The following KCNAB1 variants were observed in gnomAD, a reference collection of about 807,000 sequenced individuals.
The protein encoded by KCNAB1 is voltage-gated potassium channel subunit beta-1.
A neutral mutation model predicts 64.6 loss-of-function variants in KCNAB1; 35 were observed. That is an observed-to-expected ratio of 0.54 (90% confidence interval 0.41 to 0.72). KCNAB1 has a LOEUF of 0.72. Ranked by LOEUF, KCNAB1 falls within the 30% of genes least tolerant of loss-of-function variation. The probability of loss-of-function intolerance (pLI) is 0.00; values close to 1 mark genes in which losing one functional copy is unlikely to be tolerated. For missense variants in KCNAB1, 401 were observed against 512.9 expected (o/e 0.78, Z 2.11); for synonymous variants, 177 against 183.8 (o/e 0.96, Z 0.30).
intron 1 of KCNAB1, among the ~76,000 whole-genome samples, chr3:156,127,282 A>G (rs1560098693): frequency 6.6e-6 from 1 of 152,162 alleles, no homozygotes; most frequent in Non-Finnish European, 1.5e-5. Flanking sequence ...CTATTAATTC[A>G]TTTTTTGTTG....
chr3:156,245,695 T>C (rs1266135834), intron 1 of KCNAB1, among the ~76,000 whole-genome samples: 2 of 152,242 alleles, frequency 1.3e-5, no homozygotes, highest in African/African-American at 4.8e-5. Flanking sequence ...GAAAAGTATC[T>C]TGAACTTGCA....
At chr3:156,434,628 G>A (rs1716461840) in intron 2 of KCNAB1, among the ~76,000 whole-genome samples, 1 of 152,080 alleles carries the variant, frequency 6.6e-6, no homozygotes, top group African/African-American at 2.4e-5. Context: ...TTTCTGTAAG[G>A]AAAAGGTCAA....
chr3:156,435,138 A>T (rs1231877069), intron 2 of KCNAB1, among the ~76,000 whole-genome samples: 2 of 152,228 alleles, frequency 1.3e-5, no homozygotes, highest in African/African-American at 4.8e-5. Context: ...AGAGTCATCA[A>T]ACATCTAGAA....
At chr3:156,181,995 G>A (rs910754870) in intron 1 of KCNAB1, among the ~76,000 whole-genome samples, 6 of 152,122 alleles carry the variant, frequency 3.9e-5, no homozygotes, top group African/African-American at 1.4e-4. Flanking sequence ...TCATGAAAAT[G>A]TTAAACTAAT....
intron 1 of KCNAB1, among the ~76,000 whole-genome samples, chr3:156,178,175 C>G (rs1252183351): frequency 6.6e-6 from 1 of 152,186 alleles, no homozygotes; most frequent in African/African-American, 2.4e-5. Context: ...TTTAGGCAAG[C>G]TTTCCGTGTT....
Position 156,465,649 on chromosome 3 carries a change from A to G in KCNAB1, c.534A>G (p.Glu178=). 6.2e-7 allele frequency: 1 copy of G among 1,613,376 alleles called. No homozygotes were observed. The highest frequency in any genetic ancestry group is 8.5e-7 in the Non-Finnish European group (1 of 1,179,378). ...TTKLYWGGKA[E]TERGLSRKHI... is the part of the protein sequence containing the mutation. Reference sequence around the variant, plus strand: ...TGCTTCTTTTTCTTGGCAGAGCTGAAACAGAAAGAGGGCTGTCAAGAAAGC... The same window carrying G: ...TGCTTCTTTTTCTTGGCAGAGCTGAGACAGAAAGAGGGCTGTCAAGAAAGC... Residue 178 remains glutamate, a synonymous_variant, in exon 7 of 14, where the codon GAA becomes GAG. Coordinates refer to ENST00000490337, the MANE Select transcript of KCNAB1 (RefSeq NM_172160.3).
chr3:156,523,112 A>G (rs1347251636), intron 11 of KCNAB1, among the ~76,000 whole-genome samples: 2 of 152,204 alleles, frequency 1.3e-5, no homozygotes, highest in African/African-American at 4.8e-5. Flanking sequence ...GATCAGGGTC[A>G]GTTTCTTCTC....
intron 1 of KCNAB1, chr3:156,290,947 G>A: frequency 2.0e-6 from 2 of 983,486 alleles, no homozygotes; most frequent in African/African-American, 3.5e-5. Flanking sequence ...GGGATTTCAA[G>A]CTGTGTTTCA....
At chr3:156,373,495 C>A (rs1000797750) in intron 1 of KCNAB1, among the ~76,000 whole-genome samples, 3 of 152,000 alleles carry the variant, frequency 2.0e-5, no homozygotes, top group Non-Finnish European at 4.4e-5. Context: ...GGAAGAAATG[C>A]GAAATGAAGT....
Position 156,466,264 on chromosome 3 carries a change from A to T in KCNAB1, c.571+578A>T, listed in dbSNP as rs144341796. ...TGATATTTTGTAACTGATTTCTTTC[A>T]CTTAGCATAATGTTCATTCATGTTG... On this transcript the variant is annotated intron_variant, in intron 7 of 13. Transcript: ENST00000490337. 3.9e-5 allele frequency among the ~76,000 whole-genome samples: 6 copies of T among 152,176 alleles called. No homozygotes were observed. In the East Asian group the frequency reaches 1.2e-3, roughly 29 times the overall value.
intron 1 of KCNAB1, among the ~76,000 whole-genome samples, chr3:156,368,216 A>C (rs1197293578): frequency 6.6e-6 from 1 of 152,222 alleles, no homozygotes; most frequent in Non-Finnish European, 1.5e-5. Flanking sequence ...GATTGATCTG[A>C]AATTCAAATT....
At chr3:156,495,241 G>C (rs1715931450) in intron 8 of KCNAB1, among the ~76,000 whole-genome samples, 1 of 152,100 alleles carries the variant, frequency 6.6e-6, no homozygotes. Flanking sequence ...CATGGTATGT[G>C]AGGTTGTGAA....
chr3:156,220,671 G>A (rs1715663114), intron 1 of KCNAB1, among the ~76,000 whole-genome samples: 1 of 152,234 alleles, frequency 6.6e-6, no homozygotes, highest in Middle Eastern at 3.4e-3. Flanking sequence ...TAGGTTGCGT[G>A]TTTACTCTGA....
chr3:156,443,578 G>T (rs1443448337), intron 2 of KCNAB1, among the ~76,000 whole-genome samples: 3 of 152,148 alleles, frequency 2.0e-5, no homozygotes, highest in African/African-American at 4.8e-5. Flanking sequence ...TAGAGCTGAT[G>T]TATGTAAAGC....
intron 1 of KCNAB1, among the ~76,000 whole-genome samples, chr3:156,336,085 C>A (rs913622229): frequency 6.6e-6 from 1 of 152,034 alleles, no homozygotes; most frequent in African/African-American, 2.4e-5. Context: ...ACAGGCCAGG[C>A]GTGATGGCTC....
At chr3:156,186,126 G>A (rs1159926703) in intron 1 of KCNAB1, among the ~76,000 whole-genome samples, 3 of 152,286 alleles carry the variant, frequency 2.0e-5, no homozygotes, top group South Asian at 2.1e-4. Context: ...CCTTGCTGGG[G>A]GGCTCAATTC....
chr3:156,312,721 A>AAAAAAAAAAAC (rs1722003137), intron 1 of KCNAB1, among the ~76,000 whole-genome samples: 1 of 150,864 alleles, frequency 6.6e-6, no homozygotes, highest in Non-Finnish European at 1.5e-5. Flanking sequence ...AAAAAAAAAA[A>AAAAAAAAAAAC]AAAAAAAAAA....
intron 1 of KCNAB1, among the ~76,000 whole-genome samples, chr3:156,183,208 C>T (rs554265240): frequency 3.9e-5 from 6 of 151,938 alleles, no homozygotes; most frequent in South Asian, 2.1e-4. Flanking sequence ...TAGAGAACCC[C>T]GGGAGGGAGA....
intron 7 of KCNAB1, among the ~76,000 whole-genome samples, chr3:156,470,850 C>T (rs1713832789): frequency 1.3e-5 from 2 of 152,146 alleles, no homozygotes; most frequent in East Asian, 1.9e-4. Context: ...GGATTTGCCA[C>T]AGGATTTTTT....
Sources: gnomAD v4.1 joint callset for allele counts (sites outside exome capture counted in the v4.1 genomes callset) on GRCh38, gnomAD v4.1.1 for gene constraint, MANE v1.5 for transcripts, NCBI Gene and HGNC (gene_info 2026-07-23, HGNC 2026-07-21) for gene names.